UNC79: variants seen among roughly 807,000 people sequenced by gnomAD.
UNC79 encodes the protein protein unc-79 homolog.
In UNC79, 37 loss-of-function variants were observed where a neutral mutation model predicts 283.1. The ratio of observed to expected loss-of-function variants is 0.13; its 90% confidence interval spans 0.10 to 0.17. The LOEUF (loss-of-function observed/expected upper bound fraction) is 0.17. UNC79 is among the 10% of genes least tolerant of loss of function. The pLI is 1.00. For missense variants in UNC79, 2,272 were observed against 3,211.1 expected, an observed-to-expected ratio of 0.71 and a Z score of 7.07; for synonymous variants, 1,107 against 1,200.2, an observed-to-expected ratio of 0.92 and a Z score of 1.61.
At chr14:93,695,146 C>T (rs2075001532) in intron 47 of UNC79, among the ~76,000 whole-genome samples, 1 of 152,150 alleles carries the variant, frequency 6.6e-6, no homozygotes, top group Non-Finnish European at 1.5e-5. Flanking sequence ...CTCTTTGTCT[C>T]TCTGATCCTT....
At chr14:93,513,664 G>A (rs781098294) in intron 7 of UNC79, among the ~76,000 whole-genome samples, 1 of 151,968 alleles carries the variant, frequency 6.6e-6, no homozygotes, top group Non-Finnish European at 1.5e-5. Flanking sequence ...CTATGCATTG[G>A]GGACATTTCA....
intron 32 of UNC79, among the ~76,000 whole-genome samples, 194 bp from the exon 36 acceptor site, chr14:93,640,951 A>G (rs2068971423): frequency 6.6e-6 from 1 of 152,198 alleles, no homozygotes; most frequent in East Asian, 1.9e-4. Context: ...TCTTCACTTC[A>G]ACCAAGCAGA....
chr14:93,636,233 A>C (rs971789239), intron 31 of UNC79, among the ~76,000 whole-genome samples: 5 of 152,198 alleles, frequency 3.3e-5, no homozygotes, highest in African/African-American at 1.2e-4. Flanking sequence ...AATCTTGTTC[A>C]TGTCACTCTG....
Position 93,379,756 on chromosome 14 carries a change from T to C in UNC79, c.-351+46233T>C, listed in dbSNP as rs191267921. 5.3e-3 allele frequency among the ~76,000 whole-genome samples: 800 copies of C among 151,986 alleles called. 11 individuals carry two copies. Among genetic ancestry groups the C allele is most frequent in the Middle Eastern group, 0.051 (15 of 294 alleles). On this transcript the variant is annotated intron_variant, in intron 1 of 49. Transcript: ENST00000256339. ...ATAAAAGACTACACATTGGGTACAG[T>C]GTACACTGCTTGGGTGACGGGTGCA... is the stretch of plus-strand genomic sequence containing the variant.
intron 1 of UNC79, among the ~76,000 whole-genome samples, chr14:93,451,018 T>G (rs543597065): frequency 6.6e-6 from 1 of 152,284 alleles, no homozygotes; most frequent in African/African-American, 2.4e-5. Flanking sequence ...ATGTTTTTTA[T>G]CTACAAAAAC....
At chr14:93,455,912 T>TTGTGTGTGTG (rs10654684) in intron 1 of UNC79, among the ~76,000 whole-genome samples, 33 of 144,128 alleles carry the variant, frequency 2.3e-4, no homozygotes, top group African/African-American at 4.4e-4. Flanking sequence ...GTACAATGGA[T>TTGTGTGTGTG]TGTGTGTGTG....
At chr14:93,697,028 ACT>A (rs1349775011) in intron 47 of UNC79, among the ~76,000 whole-genome samples, 1 of 152,156 alleles carries the variant, frequency 6.6e-6, no homozygotes, top group East Asian at 1.9e-4. Context: ...AAAATACTAT[ACT>A]TTCTCCGTCA....
chr14:93,349,796 G>A (rs2053946077), intron 1 of UNC79, among the ~76,000 whole-genome samples: 2 of 152,180 alleles, frequency 1.3e-5, no homozygotes, highest in South Asian at 4.1e-4. Flanking sequence ...TTGGCAAAAT[G>A]TCCTTGTGGT....
At chr14:93,651,088 T>A (rs1173566649) in intron 35 of UNC79, among the ~76,000 whole-genome samples, 3 of 152,194 alleles carry the variant, frequency 2.0e-5, no homozygotes, top group Non-Finnish European at 4.4e-5. Flanking sequence ...TTAGAAACCA[T>A]GGAAGGGTGG....
intron 1 of UNC79, among the ~76,000 whole-genome samples, chr14:93,359,505 G>C (rs573407224): frequency 1.3e-5 from 2 of 152,296 alleles, no homozygotes; most frequent in East Asian, 3.9e-4. Flanking sequence ...GGTGGCAGGG[G>C]CCAAGTGGCA....
intron 33 of UNC79, 41 bp from the exon 37 acceptor site, chr14:93,643,516 T>G: frequency 1.2e-6 from 2 of 1,613,282 alleles, no homozygotes; most frequent in Non-Finnish European, 1.7e-6. Flanking sequence ...GAGACCATGG[T>G]TCTTTCTTTC....
At chr14:93,421,558 T>C (rs998548051) in intron 1 of UNC79, among the ~76,000 whole-genome samples, 1 of 151,494 alleles carries the variant, frequency 6.6e-6, no homozygotes, top group Non-Finnish European at 1.5e-5. Context: ...TTCAAACATA[T>C]TGGAAAAGTA....
intron 14 of UNC79, among the ~76,000 whole-genome samples, chr14:93,571,158 G>T (rs2063185948): frequency 6.6e-6 from 1 of 152,230 alleles, no homozygotes; most frequent in South Asian, 2.1e-4. Flanking sequence ...TTAAATTAAG[G>T]TAGTTTCTCA....
At chr14:93,356,026 CTTTT>C (rs56265512) in intron 1 of UNC79, among the ~76,000 whole-genome samples, 4 of 122,514 alleles carry the variant, frequency 3.3e-5, no homozygotes, top group Non-Finnish European at 1.7e-5. Context: ...TACTAGTGTA[CTTTT>C]TTTTTTTTTT....
intron 22 of UNC79, among the ~76,000 whole-genome samples, chr14:93,587,305 A>G (rs2064290895): frequency 1.3e-5 from 2 of 152,320 alleles, no homozygotes; most frequent in East Asian, 1.9e-4. Context: ...CTCTCCATAT[A>G]CTATCTGATA....
At chr14:93,436,854 G>A (rs2056101126) in intron 1 of UNC79, among the ~76,000 whole-genome samples, 1 of 151,982 alleles carries the variant, frequency 6.6e-6, no homozygotes, top group Admixed American at 6.6e-5. Context: ...TTCTATTTGT[G>A]TCTTGTTTTT....
chr14:93,683,133 G>GT (rs1345801085), intron 42 of UNC79, among the ~76,000 whole-genome samples: 1,584 of 144,734 alleles, frequency 0.011, 27 homozygotes, highest in African/African-American at 0.033. Flanking sequence ...ACTAAACTAT[G>GT]TTTTTTTTTT....
At chr14:93,501,039 A>C (rs1364273816) in intron 7 of UNC79, among the ~76,000 whole-genome samples, 3 of 152,188 alleles carry the variant, frequency 2.0e-5, no homozygotes, top group Non-Finnish European at 2.9e-5. Flanking sequence ...AAAAGTAAAA[A>C]TTTGGCCAGG....
chr14:93,580,250 A>G lies in UNC79; in HGVS notation c.2535A>G (p.Gly845=), dbSNP rs114140274. The G allele has an allele frequency of 1.2e-3, 1,966 of 1,614,082 alleles. 7 individuals are homozygous for G. In the African/African-American group the frequency reaches 0.016, roughly 13 times the overall value. The change falls in exon 19 of 49, where the codon GGA becomes GGG. Residue 845 remains glycine (G), a synonymous_variant. Coordinates refer to ENST00000555664, the Ensembl canonical transcript of UNC79. ...ATGTCTTCCAAGCCCCCTGGGGGGGATCCCACACCTGCCAGAAGGACGAAA... is the reference window on the plus strand; with the variant it reads ...ATGTCTTCCAAGCCCCCTGGGGGGGGTCCCACACCTGCCAGAAGGACGAAA...
Sources: allele counts gnomAD v4.1 joint callset (sites outside exome capture counted in the v4.1 genomes callset), GRCh38; gene constraint gnomAD v4.1.1; transcripts MANE v1.5; gene names NCBI Gene and HGNC (gene_info 2026-07-23, HGNC 2026-07-21).